The following GRID2IP variants were observed in gnomAD, a reference collection of about 807,000 sequenced individuals.
GRID2IP encodes Grid2 interacting protein, also known as delphilin.
Under a neutral mutation model 114.3 loss-of-function variants are expected in GRID2IP, and 78 were observed. That is an observed-to-expected ratio of 0.68 (90% confidence interval 0.57 to 0.82). The LOEUF (loss-of-function observed/expected upper bound fraction) is 0.82. GRID2IP is among the 40% of genes least tolerant of loss of function. The probability of loss-of-function intolerance (pLI) is 0.00; values close to 1 mark genes in which losing one functional copy is unlikely to be tolerated. For missense variants in GRID2IP, 1,727 were observed against 1,678.5 expected (o/e 1.03, Z -0.51); for synonymous variants, 809 against 724.0 (o/e 1.12, Z -1.89).
At chr7:6,503,414 ACCCCAGCAGCCCTGGC>A in intron 16 of GRID2IP, 61 bp downstream of exon 16, 2 of 1,352,690 alleles carry the variant, frequency 1.5e-6, no homozygotes, top group Non-Finnish European at 1.9e-6. Context: ...GGCGCGCGGG[ACCCCAGCAGCCCTGGC>A]CACAGCGACA....
Position 6,502,878 on chromosome 7 carries a change from G to A in GRID2IP, c.3064-6C>T, listed in dbSNP as rs1210289816. ...TTGCCCATGGCCAACACAAACTGTG[G>A]ACAAGAAGGTGGGTAGGTCCTGTCC... is the stretch of plus-strand genomic sequence containing the variant. On this transcript the variant is annotated splice_polypyrimidine_tract_variant and splice_region_variant and intron_variant, in intron 17 of 21. Coordinates refer to ENST00000457091, the MANE Select transcript of GRID2IP (RefSeq NM_001145118.2). 1 of 1,551,134 alleles carries A rather than the reference G, an allele frequency of 6.4e-7. No individual in the cohort carries two copies. Among genetic ancestry groups the A allele is most frequent in the Non-Finnish European group, 8.7e-7 (1 of 1,146,366 alleles).
chr7:6,509,150 G>A lies in GRID2IP; in HGVS notation c.1935C>T (p.Pro645=), dbSNP rs888991434. 3.6e-5 allele frequency: 53 copies of A among 1,470,512 alleles called. No homozygotes were observed. Among genetic ancestry groups the A allele is most frequent in the African/African-American group, 1.1e-4 (8 of 70,842 alleles). 91.1% of individuals were successfully genotyped at this position (1,470,512 alleles called of 1,614,324 possible). Reference sequence around the variant, plus strand: ...GGGGGCTGTCGGGGCAGATGGGCCCGGGGCCTGGCTGTGGGGAGGGTGCCC... The same window carrying A: ...GGGGGCTGTCGGGGCAGATGGGCCCAGGGCCTGGCTGTGGGGAGGGTGCCC... ...SSRAPSPQPG[P]GPICPDSPPS... is the part of the protein sequence containing the mutation. Residue 645 remains proline, a synonymous_variant, in exon 12 of 22, where the codon CCC becomes CCT. Coordinates refer to ENST00000457091, the MANE Select transcript of GRID2IP (RefSeq NM_001145118.2). The surrounding 1 kb of genome is among the most constrained non-coding windows in gnomAD (Gnocchi z 4.9).
At chr7:6,505,941 GAGC>G in intron 13 of GRID2IP, 34 bp from the exon 14 acceptor site, 1 of 1,448,850 alleles carries the variant, frequency 6.9e-7, no homozygotes, top group African/African-American at 1.4e-5. Flanking sequence ...AGAGTAGGAG[GAGC>G]AGCAGCAGCT....
Position 6,538,135 on chromosome 7 carries a change from T to C in GRID2IP, c.584+1583A>G, listed in dbSNP as rs7781818. ...GTAACTCCAGCACTTTGGGAGGCCATGGTGGGCGATTGACTGAGCTCAGGA... is the reference window on the plus strand; with the variant it reads ...GTAACTCCAGCACTTTGGGAGGCCACGGTGGGCGATTGACTGAGCTCAGGA... On this transcript the variant is annotated intron_variant, in intron 2 of 21. Coordinates refer to ENST00000457091, the MANE Select transcript of GRID2IP (RefSeq NM_001145118.2). Among the ~76,000 whole-genome samples, 1,063 of 151,944 alleles carry C rather than the reference T, an allele frequency of 7.0e-3. 13 individuals are homozygous for C. The highest frequency in any genetic ancestry group is 0.024 in the African/African-American group (1,010 of 41,444).
At chr7:6,529,738 T>C (rs1779580701) in intron 2 of GRID2IP, among the ~76,000 whole-genome samples, 1 of 152,090 alleles carries the variant, frequency 6.6e-6, no homozygotes, top group Admixed American at 6.6e-5. Flanking sequence ...CCCCCCTGAG[T>C]GGCAGTCCAG....
chr7:6,526,330 G>A lies in GRID2IP; in HGVS notation c.834-21C>T. ...CAGTCCTGGGGGAAAAAGAAGGGGC[G>A]AGCAGCATGATGGAGAGGGGGCCCT... On this transcript the variant is annotated intron_variant, in intron 3 of 21. Transcript: ENST00000457091. The surrounding 1 kb of genome is among the most constrained non-coding windows in gnomAD (Gnocchi z 7.6). 2 of 1,548,132 alleles carry A rather than the reference G, an allele frequency of 1.3e-6. No individual in the cohort carries two copies. Among genetic ancestry groups the A allele is most frequent in the Non-Finnish European group, 8.7e-7 (1 of 1,143,842 alleles).
chr7:6,520,688 C>A lies in GRID2IP; in HGVS notation c.1158G>T (p.Pro386=), dbSNP rs1330947902. The change falls in exon 7 of 22, where the codon CCG becomes CCT. Residue 386 remains proline (P), a synonymous_variant. Transcript: ENST00000457091. This position sits in a 1 kb window ranked among gnomAD's most constrained non-coding sequence, Gnocchi z 4.6. The part of the protein sequence containing the change: ...TSLQWVAEIL[P]SSIRVQGRTF... The stretch of plus-strand genomic sequence containing the variant: ...TCCTCCCTTGGACCCGGATGCTGGA[C>A]GGCAGGATCTCCGCCACCCACTGCA... 1.3e-5 allele frequency: 20 copies of A among 1,551,662 alleles called. No individual in the cohort carries two copies. Among genetic ancestry groups the A allele is most frequent in the Non-Finnish European group, 1.7e-5 (20 of 1,146,994 alleles).
In GRID2IP at chr7:6,506,347, G is replaced by A. The variant is rs1416993496; in HGVS notation, c.2545-440C>T. Among the ~76,000 whole-genome samples, 1 of 152,220 alleles carries A rather than the reference G, an allele frequency of 6.6e-6. No individual in the cohort carries two copies. The highest frequency in any genetic ancestry group is 2.4e-5 in the African/African-American group (1 of 41,458). The stretch of plus-strand genomic sequence containing the variant: ...TGCAACTGTGACAGCCTAGGGGCCA[G>A]ACGCTGGACACGTGGCTGTGATGAA... On this transcript the variant is annotated intron_variant, in intron 13 of 21. Coordinates refer to ENST00000457091, the MANE Select transcript of GRID2IP (RefSeq NM_001145118.2). The surrounding 1 kb of genome is among the most constrained non-coding windows in gnomAD (Gnocchi z 5.2).
chr7:6,551,406 G>A lies in GRID2IP; in HGVS notation c.31C>T (p.Gln11Ter). Residue 11 changes from glutamine to a stop codon, truncating the protein, a stop_gained, in exon 1 of 22, where the codon CAG (glutamine) becomes TAG (stop). Coordinates refer to ENST00000457091, the MANE Select transcript of GRID2IP (RefSeq NM_001145118.2). LOFTEE classifies it high-confidence loss of function. Reference sequence around the variant, plus strand: ...AAGCCAAAGTCCTCTGGCCAGCCCTGGTTCGTGGCCGGCGTGGCAGTGGTG... The same window carrying A: ...AAGCCAAAGTCCTCTGGCCAGCCCTAGTTCGTGGCCGGCGTGGCAGTGGTG... MATTATPATNQGWPEDFGFRL... is the reference protein window; with the variant it reads MATTATPATN 2.6e-6 allele frequency: 4 copies of A among 1,547,334 alleles called. No homozygotes were observed. Among genetic ancestry groups the A allele is most frequent in the Non-Finnish European group, 3.5e-6 (4 of 1,145,450 alleles).
intron 1 of GRID2IP, among the ~76,000 whole-genome samples, chr7:6,548,046 A>T (rs527997634): frequency 6.6e-6 from 1 of 152,258 alleles, no homozygotes; most frequent in African/African-American, 2.4e-5. Context: ...ATAATAACTT[A>T]ATTGTCCATT....
chr7:6,526,724 C>A lies in GRID2IP; in HGVS notation c.630G>T (p.Val210=). 1 of 1,524,114 alleles carries A rather than the reference C, an allele frequency of 6.6e-7. No homozygotes were observed. The highest frequency in any genetic ancestry group is 8.8e-7 in the Non-Finnish European group (1 of 1,135,918). 94.4% of individuals were successfully genotyped at this position (1,524,114 alleles called of 1,614,324 possible). ...ACAGCTTGCCCAGGAGGCCCTGAGA[C>A]ACCACCTCGTCGAAGCGCGCCCGGT... The part of the protein sequence containing the change: ...KKHRARFDEV[V]SQGLLGKLCR... The change falls in exon 3 of 22, where the codon GTG becomes GTT. Residue 210 remains valine, a synonymous_variant. Transcript: ENST00000457091. The surrounding 1 kb of genome is among the most constrained non-coding windows in gnomAD (Gnocchi z 7.6).
chr7:6,504,809 C>T lies in GRID2IP; in HGVS notation c.2694G>A (p.Lys898=). The change falls in exon 15 of 22, where the codon AAG becomes AAA. Residue 898 remains lysine, a synonymous_variant. Coordinates refer to ENST00000457091, the MANE Select transcript of GRID2IP (RefSeq NM_001145118.2). ...GACCCTCACAGGTGTTGTAGGCCTT[C>T]TTATGGGACAGGATCTCCACCACCT... The part of the protein sequence containing the change: ...KKEVVEILSH[K]KAYNTSILLA... 6.4e-7 allele frequency: 1 copy of T among 1,551,406 alleles called. No homozygotes were observed. Among genetic ancestry groups the T allele is most frequent in the Non-Finnish European group, 8.7e-7 (1 of 1,146,814 alleles).
rs894031401 is a variant in GRID2IP, at chr7:6,510,676, G to A, written c.1586C>T (p.Pro529Leu). 1 of 1,546,402 alleles carries A rather than the reference G, an allele frequency of 6.5e-7. No homozygotes were observed. The highest frequency in any genetic ancestry group is 1.4e-5 in the African/African-American group (1 of 72,706). The change falls in exon 10 of 22, where the codon CCC becomes CTC. Residue 529 changes from proline (P) to leucine (L), a missense_variant. Pro to Leu is a moderately conservative substitution (Grantham distance 98). Transcript: ENST00000457091. ...TGCCTGGCGCTCGCCTGGGATCAGG[G>A]GAAGAGGCATCTCAGGGCACTCGCT... ...GPSECPEMPL[P>L]LIPGERQAGD...
chr7:6,534,750 C>G lies in GRID2IP; in HGVS notation c.584+4968G>C, dbSNP rs1779695872. ...TGGAACAGAGTCTGGCTCTGTCACCCAGGCTGGAGGCTGGAGTGCAGTGGC... is the reference window on the plus strand; with the variant it reads ...TGGAACAGAGTCTGGCTCTGTCACCGAGGCTGGAGGCTGGAGTGCAGTGGC... On this transcript the variant is annotated intron_variant, in intron 2 of 21. Transcript: ENST00000457091. This position sits in a 1 kb window ranked among gnomAD's most constrained non-coding sequence, Gnocchi z 4.5. Among the ~76,000 whole-genome samples, 1 of 152,114 alleles carries G rather than the reference C, an allele frequency of 6.6e-6. No homozygotes were observed. The highest frequency in any genetic ancestry group is 2.1e-4 in the South Asian group (1 of 4,824).
In GRID2IP at chr7:6,521,176, G is replaced by A. The variant is rs1262829321; in HGVS notation, c.1084+253C>T. ...AGTAGAGACAGAGTTGTGCCATGTT[G>A]CTCAGACTGGTCTCAAACTCCTGGC... On this transcript the variant is annotated intron_variant, in intron 6 of 21. Transcript: ENST00000457091. The surrounding 1 kb of genome is among the most constrained non-coding windows in gnomAD (Gnocchi z 4.1). 6.6e-6 allele frequency among the ~76,000 whole-genome samples: 1 copy of A among 152,070 alleles called. No individual in the cohort carries two copies. The highest frequency in any genetic ancestry group is 2.4e-5 in the African/African-American group (1 of 41,416).
Position 6,497,995 on chromosome 7 carries a change from G to A in GRID2IP, c.3564+69C>T, listed in dbSNP as rs1437782477. On this transcript the variant is annotated intron_variant, in intron 21 of 21. Coordinates refer to ENST00000457091, the MANE Select transcript of GRID2IP (RefSeq NM_001145118.2). ...CCTTTCCCAGCCCTGGCTTCATGGA[G>A]GATCCCTTCATTTGGCCTCTGGCCC... is the stretch of plus-strand genomic sequence containing the variant. 13 of 1,458,520 alleles carry A rather than the reference G, an allele frequency of 8.9e-6. No homozygotes were observed. The East Asian group carries it at 1.2e-4, about 14-fold the overall frequency. 90.3% of individuals were successfully genotyped at this position (1,458,520 alleles called of 1,614,324 possible).
intron 1 of GRID2IP, 123 bp downstream of exon 1, chr7:6,550,885 C>T (rs1038873407): frequency 8.9e-7 from 1 of 1,118,248 alleles, no homozygotes; most frequent in African/African-American, 1.6e-5. Flanking sequence ...TCCCATATTT[C>T]TGTTAAATCT....
chr7:6,517,099 G>A (rs1779321611), intron 7 of GRID2IP, among the ~76,000 whole-genome samples: 1 of 150,478 alleles, frequency 6.6e-6, no homozygotes, highest in African/African-American at 2.4e-5. Context: ...CTGTCACCCA[G>A]GCTGGAGTGC....
chr7:6,522,648 G>T (rs1307153031), intron 4 of GRID2IP, among the ~76,000 whole-genome samples: 1 of 151,604 alleles, frequency 6.6e-6, no homozygotes, highest in African/African-American at 2.4e-5. Context: ...ACCACTCCGG[G>T]CTAATTTTTT....
Sources: allele counts gnomAD v4.1 joint callset (sites outside exome capture counted in the v4.1 genomes callset), GRCh38; gene constraint gnomAD v4.1.1; non-coding constraint Gnocchi (gnomAD v3.1); transcripts MANE v1.5; gene names NCBI Gene and HGNC (gene_info 2026-07-23, HGNC 2026-07-21).